RARB: variants seen among roughly 807,000 people sequenced by gnomAD.
RARB encodes retinoic acid receptor beta.
In RARB, 17 loss-of-function variants were observed where a neutral mutation model predicts 51.9. That is an observed-to-expected ratio of 0.33 (90% CI 0.22 to 0.49). RARB has a LOEUF of 0.49. Among genes scored for constraint, RARB ranks in the 20% least tolerant of loss-of-function variants. The pLI is 0.99. For missense variants in RARB, 369 were observed against 550.8 expected, an observed-to-expected ratio of 0.67 and a Z score of 3.30; for synonymous variants, 215 against 195.4, an observed-to-expected ratio of 1.10 and a Z score of -0.84.
At chr3:25,116,310 T>C (rs76718798) in intron 3 of RARB, among the ~76,000 whole-genome samples, 3,350 of 152,236 alleles carry the variant, frequency 0.022, 108 homozygotes, top group African/African-American at 0.066. Flanking sequence ...GAGTTTAAAA[T>C]GTGTGTTTTA....
rs1005249066 is a variant in RARB, at chr3:25,493,778, G to A, written c.307-7404G>A. Reference sequence around the variant, plus strand: ...CCAATGCTTTTTACAACTAAATATAGTGCCAAATTGCCTTTAAAAATTTTT... The same window carrying A: ...CCAATGCTTTTTACAACTAAATATAATGCCAAATTGCCTTTAAAAATTTTT... On this transcript the variant is annotated intron_variant, in intron 2 of 7. Transcript: ENST00000330688. 2.0e-5 allele frequency among the ~76,000 whole-genome samples: 3 copies of A among 152,142 alleles called. No individual in the cohort carries two copies. In the East Asian group the frequency reaches 5.8e-4, roughly 29 times the overall value.
At chr3:24,940,774 G>C (rs1695647812) in intron 2 of RARB, among the ~76,000 whole-genome samples, 1 of 152,202 alleles carries the variant, frequency 6.6e-6, no homozygotes, top group Non-Finnish European at 1.5e-5. Context: ...GAGTCATAAG[G>C]CTCAGGGATT....
At chr3:25,032,205 A>G (rs1697890510) in intron 2 of RARB, among the ~76,000 whole-genome samples, 1 of 152,200 alleles carries the variant, frequency 6.6e-6, no homozygotes, top group Admixed American at 6.5e-5. Flanking sequence ...TTAAAATTGG[A>G]TTATAAAAGA....
intron 3 of RARB, among the ~76,000 whole-genome samples, chr3:25,128,459 G>A (rs1037127119): frequency 1.4e-5 from 2 of 146,446 alleles, no homozygotes; most frequent in African/African-American, 5.0e-5. Context: ...TATATTTCTA[G>A]TATACTATAT....
Position 24,986,697 on chromosome 3 carries a change from G to A in RARB, c.-379-73428G>A, listed in dbSNP as rs140118526. Among the ~76,000 whole-genome samples, 8 of 152,284 alleles carry A rather than the reference G, an allele frequency of 5.3e-5. No homozygotes were observed. In the East Asian group the frequency reaches 1.5e-3, roughly 29 times the overall value. On this transcript the variant is annotated intron_variant, in intron 2 of 11. Transcript: ENST00000383772. Reference sequence around the variant, plus strand: ...TAGTTAATTTCTGGGAGATTGCAGCGTGTGTGTTTTATGGTTCAAATAACA... The same window carrying A: ...TAGTTAATTTCTGGGAGATTGCAGCATGTGTGTTTTATGGTTCAAATAACA...
chr3:24,950,726 A>AAAAAGT (rs71295100), intron 2 of RARB, among the ~76,000 whole-genome samples: 125 of 149,446 alleles, frequency 8.4e-4, no homozygotes, highest in African/African-American at 2.4e-3. Flanking sequence ...AAAAAAAAAA[A>AAAAAGT]AGGTGATTTG....
chr3:24,880,404 G>A (rs762582024), intron 2 of RARB, among the ~76,000 whole-genome samples: 4 of 151,998 alleles, frequency 2.6e-5, no homozygotes, highest in Non-Finnish European at 5.9e-5. Flanking sequence ...GATAAAAGAA[G>A]ATAAAGCCTC....
At chr3:24,872,098 C>A (rs759126294) in intron 2 of RARB, among the ~76,000 whole-genome samples, 3 of 152,144 alleles carry the variant, frequency 2.0e-5, no homozygotes, top group African/African-American at 7.2e-5. Context: ...TCGAATGATT[C>A]CCCATTTCAC....
chr3:25,077,398 C>G (rs1209056503), intron 3 of RARB, among the ~76,000 whole-genome samples: 1 of 152,050 alleles, frequency 6.6e-6, no homozygotes, highest in Non-Finnish European at 1.5e-5. Flanking sequence ...AACCAGTGTT[C>G]TGATTTTTAT....
chr3:25,056,811 T>G (rs559571797), intron 2 of RARB, among the ~76,000 whole-genome samples: 1 of 152,238 alleles, frequency 6.6e-6, no homozygotes, highest in African/African-American at 2.4e-5. Context: ...TGTTGTCTCT[T>G]AAAGACAAAC....
chr3:24,831,536 A>G (rs1372941793), intron 1 of RARB, among the ~76,000 whole-genome samples: 5 of 152,206 alleles, frequency 3.3e-5, no homozygotes, highest in Admixed American at 6.5e-5. Flanking sequence ...GCTGTTTATT[A>G]TCTGTCTTTA....
intron 2 of RARB, among the ~76,000 whole-genome samples, chr3:24,929,688 T>C (rs1483750678): frequency 2.6e-5 from 4 of 152,096 alleles, no homozygotes; most frequent in Non-Finnish European, 5.9e-5. Context: ...GTTAAATTCT[T>C]ATTCCTCTCT....
intron 5 of RARB, among the ~76,000 whole-genome samples, chr3:25,359,078 T>C (rs970014366): frequency 6.6e-6 from 1 of 152,184 alleles, no homozygotes; most frequent in African/African-American, 2.4e-5. Flanking sequence ...TTTGTACCTC[T>C]GGTAGAATTT....
chr3:25,457,021 G>A (rs949564008), intron 1 of RARB, among the ~76,000 whole-genome samples: 1 of 151,786 alleles, frequency 6.6e-6, no homozygotes, highest in Non-Finnish European at 1.5e-5. Flanking sequence ...GTTTGGATTC[G>A]CCTGGGAATA....
intron 5 of RARB, among the ~76,000 whole-genome samples, chr3:25,188,327 ATG>A (rs1486675124): frequency 6.6e-6 from 1 of 152,258 alleles, no homozygotes; most frequent in African/African-American, 2.4e-5. Context: ...GTATAAATAA[ATG>A]TGTTTAATAA....
intron 4 of RARB, among the ~76,000 whole-genome samples, chr3:25,153,092 T>C (rs1264249973): frequency 6.6e-6 from 1 of 152,062 alleles, no homozygotes; most frequent in Non-Finnish European, 1.5e-5. Flanking sequence ...CTTCATTGCT[T>C]GTCCAACATT....
intron 3 of RARB, among the ~76,000 whole-genome samples, chr3:25,520,393 C>G (rs544950435): frequency 6.6e-6 from 1 of 152,280 alleles, no homozygotes; most frequent in African/African-American, 2.4e-5. Context: ...CAGCTCTGGA[C>G]TGAAAATTCT....
Position 25,266,160 on chromosome 3 carries a change from T to G in RARB, c.178+91585T>G, listed in dbSNP as rs377730000. 1.9e-4 allele frequency among the ~76,000 whole-genome samples: 29 copies of G among 152,294 alleles called. No individual in the cohort carries two copies. In the South Asian group the frequency reaches 5.6e-3, roughly 29 times the overall value. On this transcript the variant is annotated intron_variant, in intron 5 of 11. Coordinates refer to the RARB transcript ENST00000383772. Reference sequence around the variant, plus strand: ...GTTAAATATCATATAACCTAACATATTCACAGATCCTGGGTGTTAGGACAT... The same window carrying G: ...GTTAAATATCATATAACCTAACATAGTCACAGATCCTGGGTGTTAGGACAT...
At chr3:25,565,126 A>G (rs1178271821) in intron 3 of RARB, among the ~76,000 whole-genome samples, 2 of 152,098 alleles carry the variant, frequency 1.3e-5, no homozygotes, top group African/African-American at 4.8e-5. Flanking sequence ...TGTACTCACT[A>G]CGCTGTGGAC....
Sources: gnomAD v4.1 joint callset for allele counts (sites outside exome capture counted in the v4.1 genomes callset) on GRCh38, gnomAD v4.1.1 for gene constraint, MANE v1.5 for transcripts, NCBI Gene and HGNC (gene_info 2026-07-23, HGNC 2026-07-21) for gene names.